The following RPA1 variants were observed in gnomAD, a reference collection of about 807,000 sequenced individuals.
The protein encoded by RPA1 is replication protein A 70 kDa DNA-binding subunit.
In RPA1, 49 loss-of-function variants were observed where a neutral mutation model predicts 83.0. That is an observed-to-expected ratio of 0.59 (90% confidence interval 0.47 to 0.75). RPA1 has a LOEUF of 0.75. Ranked by LOEUF, RPA1 falls within the 30% of genes least tolerant of loss-of-function variation. The pLI, the probability that RPA1 is intolerant of heterozygous loss-of-function variation, is 0.00. For synonymous variants in RPA1, 279 were observed against 281.8 expected, an observed-to-expected ratio of 0.99 and a Z score of 0.10; for missense variants, 693 against 776.1, an observed-to-expected ratio of 0.89 and a Z score of 1.27.
intron 16 of RPA1, among the ~76,000 whole-genome samples, chr17:1,895,506 C>T (rs1335249812): frequency 6.6e-6 from 1 of 151,538 alleles, no homozygotes; most frequent in Non-Finnish European, 1.5e-5. Context: ...CCTGTGGTCC[C>T]AGCTACTTGG....
chr17:1,854,958 G>A (rs1320262775), intron 5 of RPA1, among the ~76,000 whole-genome samples: 2 of 152,122 alleles, frequency 1.3e-5, no homozygotes, highest in African/African-American at 2.4e-5. Context: ...GGGAGAAAGC[G>A]TTCAGACTTT....
intron 14 of RPA1, among the ~76,000 whole-genome samples, chr17:1,889,861 G>A (rs1183078995): frequency 5.9e-5 from 9 of 151,996 alleles, no homozygotes; most frequent in Admixed American, 2.0e-4. Context: ...TTAGCCGGGC[G>A]TGGTGGCGGG....
chr17:1,894,029 G>GTTTT (rs5818841), intron 15 of RPA1, among the ~76,000 whole-genome samples: 1 of 127,594 alleles, frequency 7.8e-6, no homozygotes, highest in Admixed American at 8.1e-5. Flanking sequence ...CCTGGCTTAA[G>GTTTT]TTTTTTTTTT....
At position 1,879,545 on chromosome 17, in the gene RPA1, G is replaced by A. The variant is rs758455861; in HGVS notation, c.953-15G>A. On this transcript the variant is annotated splice_polypyrimidine_tract_variant and intron_variant, in intron 10 of 16. Coordinates refer to ENST00000254719, the MANE Select transcript of RPA1 (RefSeq NM_002945.5). ...AGTCTTGACCACCTCCTGCTAACACGTGCATGTGTTTTAGACATCATCGGG... is the reference window on the plus strand; with the variant it reads ...AGTCTTGACCACCTCCTGCTAACACATGCATGTGTTTTAGACATCATCGGG... The A allele has an allele frequency of 1.9e-5, 31 of 1,614,144 alleles. No homozygotes were observed. The highest frequency in any genetic ancestry group is 4.5e-5 in the East Asian group (2 of 44,882).
chr17:1,866,052 G>A (rs1338339230), intron 5 of RPA1, among the ~76,000 whole-genome samples: 1 of 152,120 alleles, frequency 6.6e-6, no homozygotes, highest in East Asian at 2.0e-4. Flanking sequence ...ACCAGCCTGG[G>A]CAACATGACG....
intron 5 of RPA1, among the ~76,000 whole-genome samples, chr17:1,853,463 A>G (rs1912575585): frequency 6.6e-6 from 1 of 152,222 alleles, no homozygotes. Context: ...CAGGTAGATC[A>G]CTTGACGTCA....
intron 16 of RPA1, 66 bp from the exon 17 acceptor site, chr17:1,897,005 C>A: frequency 7.3e-7 from 1 of 1,378,776 alleles, no homozygotes; most frequent in Non-Finnish European, 1.0e-6. Flanking sequence ...ACCACTGAAG[C>A]AAAAGGGGTT....
chr17:1,877,559 G>A (rs991976668), intron 8 of RPA1, among the ~76,000 whole-genome samples: 2 of 152,220 alleles, frequency 1.3e-5, no homozygotes, highest in African/African-American at 4.8e-5. Context: ...ATGCTGTCTG[G>A]AGTAGAGGGT....
In RPA1 at chr17:1,898,896, C is replaced by A. The variant is rs1914549387; in HGVS notation, c.*1721C>A. The A allele has an allele frequency of 6.5e-6, 1 of 152,688 alleles. No homozygotes were observed. The highest frequency in any genetic ancestry group is 1.5e-5 in the Non-Finnish European group (1 of 68,068). The allele number at this position is 152,688 out of a possible 1,614,324, so 9.5% of individuals were successfully genotyped here. A position where few individuals can be genotyped will look rare whatever the true frequency, so the allele number is the denominator to read the frequency against. On this transcript the variant is annotated 3_prime_UTR_variant, in exon 17 of 17. Coordinates refer to ENST00000254719, the MANE Select transcript of RPA1 (RefSeq NM_002945.5). ...AGTCTTCAACCCTCTTCTGGATTGA[C>A]AAATTGTGGCTGGGAAGTGGCGATC...
chr17:1,850,043 A>G (rs1329021058), intron 4 of RPA1, among the ~76,000 whole-genome samples: 2 of 151,692 alleles, frequency 1.3e-5, no homozygotes, highest in African/African-American at 2.4e-5. Flanking sequence ...GTGGTGGCAC[A>G]TGCCTATAGT....
intron 6 of RPA1, among the ~76,000 whole-genome samples, chr17:1,873,462 A>T (rs1913452225): frequency 4.0e-5 from 6 of 151,568 alleles, no homozygotes; most frequent in Admixed American, 3.9e-4. Flanking sequence ...CTTCACATAC[A>T]CCTCCTCTCC....
At chr17:1,863,099 C>T (rs1913046794) in intron 5 of RPA1, among the ~76,000 whole-genome samples, 1 of 152,054 alleles carries the variant, frequency 6.6e-6, no homozygotes, top group East Asian at 1.9e-4. Flanking sequence ...AAAGGGCTTA[C>T]TGTAGCCTCA....
At chr17:1,892,537 C>A (rs1008030086) in intron 15 of RPA1, among the ~76,000 whole-genome samples, 2 of 152,196 alleles carry the variant, frequency 1.3e-5, no homozygotes, top group African/African-American at 4.8e-5. Flanking sequence ...CACATCAGAG[C>A]TAGTGTGCCT....
intron 4 of RPA1, among the ~76,000 whole-genome samples, chr17:1,846,657 G>A (rs557293628): frequency 3.9e-5 from 6 of 152,098 alleles, no homozygotes; most frequent in East Asian, 3.9e-4. Context: ...TGGTATGCTT[G>A]TTCAGTCTGC....
chr17:1,852,623 T>C (rs1912538459), intron 4 of RPA1, among the ~76,000 whole-genome samples: 1 of 152,218 alleles, frequency 6.6e-6, no homozygotes, highest in African/African-American at 2.4e-5. Context: ...TTTTTCTTTG[T>C]GGCCTAAGGT....
chr17:1,884,474 C>T lies in RPA1; in HGVS notation c.1374+530C>T, dbSNP rs1009063970. Among the ~76,000 whole-genome samples, 1 of 152,182 alleles carries T rather than the reference C, an allele frequency of 6.6e-6. No homozygotes were observed. Among genetic ancestry groups the T allele is most frequent in the Non-Finnish European group, 1.5e-5 (1 of 68,032 alleles). On this transcript the variant is annotated intron_variant, in intron 13 of 16. Transcript: ENST00000254719. This position sits in a 1 kb window ranked among gnomAD's most constrained non-coding sequence, Gnocchi z 4.1. ...TTTGACTTTTAGTTGCAGCTTTTTC[C>T]TTTCAGTGTTTGTATTTAATGACCC...
At chr17:1,883,577 T>C (rs1325118416) in intron 12 of RPA1, among the ~76,000 whole-genome samples, 3 of 152,114 alleles carry the variant, frequency 2.0e-5, no homozygotes, top group African/African-American at 4.8e-5. Flanking sequence ...GATTGCATCA[T>C]TGCACTCCAG....
chr17:1,873,992 CAAA>C (rs71150832), intron 6 of RPA1, among the ~76,000 whole-genome samples: 2,049 of 45,018 alleles, frequency 0.046, 34 homozygotes, highest in Non-Finnish European at 0.056. Context: ...GACTCTGTCT[CAAA>C]AAAAAAAAAA....
intron 4 of RPA1, among the ~76,000 whole-genome samples, chr17:1,849,394 G>A (rs1485899128): frequency 4.1e-5 from 6 of 146,864 alleles, no homozygotes; most frequent in Non-Finnish European, 5.9e-5. Context: ...CCGGGTTCAC[G>A]CCATTCTCCT....
Sources: gnomAD v4.1 joint callset for allele counts (sites outside exome capture counted in the v4.1 genomes callset) on GRCh38, gnomAD v4.1.1 for gene constraint, Gnocchi (gnomAD v3.1) non-coding constraint, MANE v1.5 for transcripts, NCBI Gene and HGNC (gene_info 2026-07-23, HGNC 2026-07-21) for gene names.